TSPAN9: variants seen among roughly 807,000 people sequenced by gnomAD.
TSPAN9 encodes tetraspanin-9.
Under a neutral mutation model 31.0 loss-of-function variants are expected in TSPAN9, and 16 were observed. The ratio of observed to expected loss-of-function variants is 0.52; its 90% CI spans 0.35 to 0.78. TSPAN9 has a LOEUF of 0.78. Ranked by LOEUF, TSPAN9 falls within the 30% of genes least tolerant of loss-of-function variation. TSPAN9 has a pLI of 0.01. For synonymous variants in TSPAN9, 145 were observed against 121.6 expected (o/e 1.19, Z -1.27); for missense variants, 272 against 312.5 (o/e 0.87, Z 0.98).
At chr12:3,171,676 A>G (rs1345914059) in intron 2 of TSPAN9, 1 of 152,176 alleles carries the variant, frequency 6.6e-6, no homozygotes. Context: ...TTTACTGCCA[A>G]ATTTCTTGAT....
At chr12:3,130,434 T>G (rs60370726) in intron 2 of TSPAN9, among the ~76,000 whole-genome samples, 7,030 of 152,274 alleles carry the variant, frequency 0.046, 533 homozygotes, top group African/African-American at 0.16. Context: ...TTGCTGCTGC[T>G]TGGGGCTGAT....
intron 3 of TSPAN9, among the ~76,000 whole-genome samples, chr12:3,264,851 GAA>G (rs145754045): frequency 5.1e-4 from 77 of 152,348 alleles, no homozygotes; most frequent in Non-Finnish European, 2.8e-4. Flanking sequence ...GAGCACCAGA[GAA>G]AAAGTCGTTT....
chr12:3,118,746 C>T (rs1018430278), intron 2 of TSPAN9, among the ~76,000 whole-genome samples: 6 of 152,214 alleles, frequency 3.9e-5, no homozygotes, highest in African/African-American at 1.4e-4. Context: ...GTGAATTGGG[C>T]TTATGCTGAC....
chr12:3,132,004 G>T (rs2098330024), intron 2 of TSPAN9, among the ~76,000 whole-genome samples: 1 of 152,148 alleles, frequency 6.6e-6, no homozygotes, highest in African/African-American at 2.4e-5. Context: ...GACATTTCGT[G>T]TAAATAGAAT....
At chr12:3,196,871 TG>T (rs2098367296) in intron 2 of TSPAN9, among the ~76,000 whole-genome samples, 1 of 152,224 alleles carries the variant, frequency 6.6e-6, no homozygotes, top group African/African-American at 2.4e-5. Flanking sequence ...GAAATGAAGA[TG>T]GAAAGATCCA....
At chr12:3,237,070 G>A (rs1387304317) in intron 3 of TSPAN9, among the ~76,000 whole-genome samples, 1 of 152,154 alleles carries the variant, frequency 6.6e-6, no homozygotes, top group African/African-American at 2.4e-5. Context: ...CATCAGGGAG[G>A]GCCTCCTGGA....
At chr12:3,252,551 T>A (rs1490456576) in intron 3 of TSPAN9, among the ~76,000 whole-genome samples, 8 of 152,218 alleles carry the variant, frequency 5.3e-5, no homozygotes, top group Non-Finnish European at 1.2e-4. Context: ...CCTCCTACTG[T>A]ACACATGCGG....
At chr12:3,221,188 C>T (rs935693223) in intron 3 of TSPAN9, among the ~76,000 whole-genome samples, 1 of 152,146 alleles carries the variant, frequency 6.6e-6, no homozygotes, top group Non-Finnish European at 1.5e-5. Flanking sequence ...TGCACCCATC[C>T]TTTACTGGTC....
intron 2 of TSPAN9, among the ~76,000 whole-genome samples, chr12:3,106,555 A>G (rs1417704435): frequency 6.6e-6 from 1 of 152,154 alleles, no homozygotes; most frequent in Non-Finnish European, 1.5e-5. Flanking sequence ...GGATCACTTG[A>G]GCCCAGAAAT....
chr12:3,214,539 TTAG>T (rs1241892091), intron 3 of TSPAN9, among the ~76,000 whole-genome samples: 1 of 152,160 alleles, frequency 6.6e-6, no homozygotes, highest in African/African-American at 2.4e-5. Context: ...AGTTCCTTGC[TTAG>T]TGGTGGGGGG....
chr12:3,280,172 T>C lies in TSPAN9; in HGVS notation c.331-210T>C, dbSNP rs3764889. Among the ~76,000 whole-genome samples, 363 of 152,122 alleles carry C rather than the reference T, an allele frequency of 2.4e-3. 2 individuals carry two copies. In the East Asian group the frequency reaches 0.037, roughly 16 times the overall value. Reference sequence around the variant, plus strand: ...GGTGGGTGCACCAGGGCCTGCTGTATTCTGAAACTGGGAGTGTGTGCCTAA... The same window carrying C: ...GGTGGGTGCACCAGGGCCTGCTGTACTCTGAAACTGGGAGTGTGTGCCTAA... On this transcript the variant is annotated intron_variant, in intron 5 of 8. Transcript: ENST00000011898. This position sits in a 1 kb window ranked among gnomAD's most constrained non-coding sequence, Gnocchi z 4.5.
intron 3 of TSPAN9, among the ~76,000 whole-genome samples, chr12:3,224,421 C>T (rs1167127987): frequency 6.6e-6 from 1 of 152,188 alleles, no homozygotes; most frequent in Non-Finnish European, 1.5e-5. Context: ...GCGAGTCTGG[C>T]CCTCCCTTTT....
In TSPAN9 at chr12:3,087,835, T is replaced by C. The variant is rs117809805; in HGVS notation, c.-18+4116T>C. Among the ~76,000 whole-genome samples, 167 of 151,800 alleles carry C rather than the reference T, an allele frequency of 1.1e-3. 2 individuals are homozygous for C. In the East Asian group the frequency reaches 0.013, roughly 12 times the overall value. On this transcript the variant is annotated intron_variant, in intron 2 of 8. Coordinates refer to ENST00000011898, the MANE Select transcript of TSPAN9 (RefSeq NM_006675.5). ...AAAAAAAAATGTCAGTATATACCTG[T>C]GATGTGAGTGCCTTCCCCTTAGATG...
Position 3,083,711 on chromosome 12 carries a change from A to G in TSPAN9, c.-26A>G, listed in dbSNP as rs1440057756. 1 of 152,226 alleles carries G rather than the reference A, an allele frequency of 6.6e-6. No homozygotes were observed. Among genetic ancestry groups the G allele is most frequent in the Admixed American group, 6.5e-5 (1 of 15,282 alleles). The allele number at this position is 152,226 out of a possible 1,614,324, so 9.4% of individuals were successfully genotyped here. On this transcript the variant is annotated 5_prime_UTR_variant, in exon 2 of 9. Transcript: ENST00000011898. The stretch of plus-strand genomic sequence containing the variant: ...GCCAAGGTGTTTCCAGGAAGTTCAG[A>G]GAGAACAGGTCAGTGTTGGTCCGGG...
chr12:3,112,520 CT>C (rs532589402), intron 2 of TSPAN9, among the ~76,000 whole-genome samples: 2 of 147,250 alleles, frequency 1.4e-5, no homozygotes, highest in African/African-American at 5.0e-5. Flanking sequence ...TTTGGGTCTT[CT>C]TTTTTTTTCC....
rs543010399 is a variant in TSPAN9 at position 3,091,689 on chromosome 12, C to G, written c.-18+7970C>G. Among the ~76,000 whole-genome samples the G allele has an allele frequency of 4.6e-5, 7 of 152,344 alleles. No homozygotes were observed. In the East Asian group the frequency reaches 1.3e-3, roughly 29 times the overall value. ...GAACAAAGGCAGAGTGGGCTTAACG[C>G]GTTTGAAATCCCCTTGGTGTTTTAT... On this transcript the variant is annotated intron_variant, in intron 2 of 8. Transcript: ENST00000011898.
chr12:3,110,922 A>G (rs1270007489), intron 2 of TSPAN9, among the ~76,000 whole-genome samples: 2 of 152,218 alleles, frequency 1.3e-5, no homozygotes, highest in African/African-American at 4.8e-5. Context: ...TTAAATGAAC[A>G]AAAATAAAAA....
chr12:3,238,655 G>T (rs1348159262), intron 3 of TSPAN9, among the ~76,000 whole-genome samples: 4 of 152,218 alleles, frequency 2.6e-5, no homozygotes, highest in African/African-American at 9.7e-5. Flanking sequence ...CGAGGAGAAA[G>T]ACTCATGCCT....
chr12:3,126,518 A>G (rs949225613), intron 2 of TSPAN9, among the ~76,000 whole-genome samples: 3 of 152,182 alleles, frequency 2.0e-5, no homozygotes, highest in Admixed American at 6.5e-5. Flanking sequence ...CTATGTGTAC[A>G]CTAAAAATAC....
Sources: allele counts gnomAD v4.1 joint callset (sites outside exome capture counted in the v4.1 genomes callset), GRCh38; gene constraint gnomAD v4.1.1; non-coding constraint Gnocchi (gnomAD v3.1); transcripts MANE v1.5; gene names NCBI Gene and HGNC (gene_info 2026-07-23, HGNC 2026-07-21).